Variants in MYRFL observed in about 807,000 individuals in gnomAD.
MYRFL encodes the protein myelin regulatory factor like.
Under a neutral mutation model 109.4 loss-of-function variants are expected in MYRFL, and 88 were observed. The ratio of observed to expected loss-of-function variants is 0.80; its 90% CI spans 0.68 to 0.96. The LOEUF is 0.96. Ranked by LOEUF, MYRFL falls within the 40% of genes least tolerant of loss-of-function variation. The probability of loss-of-function intolerance (pLI) is 0.00; values close to 1 mark genes in which losing one functional copy is unlikely to be tolerated. For synonymous variants in MYRFL, 324 were observed against 320.9 expected, an observed-to-expected ratio of 1.01 and a Z score of -0.10; for missense variants, 957 against 954.9, an observed-to-expected ratio of 1.00 and a Z score of -0.03.
At chr12:69,850,038 G>A (rs1883789854) in intron 1 of MYRFL, among the ~76,000 whole-genome samples, 1 of 152,108 alleles carries the variant, frequency 6.6e-6, no homozygotes, top group Non-Finnish European at 1.5e-5. Context: ...CATAGGGGGA[G>A]GTCTTTCCTG....
At chr12:69,876,108 C>T (rs1442262506) in intron 2 of MYRFL, among the ~76,000 whole-genome samples, 2 of 152,166 alleles carry the variant, frequency 1.3e-5, no homozygotes, top group Non-Finnish European at 2.9e-5. Context: ...GTCCCCTGCT[C>T]TTATCTTTCT....
intron 13 of MYRFL, among the ~76,000 whole-genome samples, chr12:69,918,827 T>C (rs935315145): frequency 4.6e-5 from 7 of 152,242 alleles, no homozygotes; most frequent in Non-Finnish European, 1.0e-4. Flanking sequence ...AACTTTTCAC[T>C]TGACTCTATT....
At chr12:69,869,016 TCACA>T (rs895613547) in intron 2 of MYRFL, among the ~76,000 whole-genome samples, 12 of 152,032 alleles carry the variant, frequency 7.9e-5, no homozygotes, top group Admixed American at 7.9e-4. Context: ...ACACATACAC[TCACA>T]CACAGAGTAG....
intron 11 of MYRFL, among the ~76,000 whole-genome samples, chr12:69,908,689 TATG>T (rs1367516118): frequency 6.6e-6 from 1 of 152,228 alleles, no homozygotes; most frequent in African/African-American, 2.4e-5. Flanking sequence ...TATAATCATA[TATG>T]ATTACGTATG....
In MYRFL at chr12:69,893,785, A is replaced by G; in HGVS notation, c.925A>G (p.Ile309Val). ...GTKVEATNQI[I>V]AIEQSQADRS... ...ACAGGTGGAAGCTACCAATCAAATA[A>G]TTGCTATTGAACAGTCCCAAGCAGA... The change falls in exon 8 of 25, where the codon ATT becomes GTT. Residue 309 changes from isoleucine to valine, a missense_variant. Coordinates refer to ENST00000552032, the MANE Select transcript of MYRFL (RefSeq NM_182530.3). 1 of 1,437,720 alleles carries G rather than the reference A, an allele frequency of 7.0e-7. No individual in the cohort carries two copies. 89.1% of individuals were successfully genotyped at this position (1,437,720 alleles called of 1,614,324 possible).
At chr12:69,826,878 A>C (rs1012849699) in intron 1 of MYRFL, among the ~76,000 whole-genome samples, 5 of 152,106 alleles carry the variant, frequency 3.3e-5, no homozygotes, top group African/African-American at 1.2e-4. Flanking sequence ...GCCTACTCTG[A>C]GTCAGGTTCA....
At chr12:69,955,712 C>G (rs1028627266) in intron 22 of MYRFL, among the ~76,000 whole-genome samples, 1 of 152,168 alleles carries the variant, frequency 6.6e-6, no homozygotes, top group African/African-American at 2.4e-5. Context: ...AAGCTATAGA[C>G]TTCCCCTGAC....
In MYRFL at chr12:69,958,270, C is replaced by A; in HGVS notation, c.2593C>A (p.Leu865Ile). Residue 865 changes from leucine (L) to isoleucine (I), a missense_variant, in exon 24 of 25, where the codon CTC (leucine) becomes ATC (isoleucine). Leu to Ile is a conservative substitution (Grantham distance 5). Coordinates refer to ENST00000552032, the MANE Select transcript of MYRFL (RefSeq NM_182530.3). ...TTAGGGATATCAGCACATTTGGAGC[C>A]TCCCTGTAGCCCCATTTTCTGACAG... ...MTQGYQHIWS[L>I]PVAPFSDSMF... is the part of the protein sequence containing the mutation. The A allele has an allele frequency of 3.9e-6, 6 of 1,536,464 alleles. No homozygotes were observed. Among genetic ancestry groups the A allele is most frequent in the Non-Finnish European group, 4.4e-6 (5 of 1,146,930 alleles).
intron 2 of MYRFL, among the ~76,000 whole-genome samples, chr12:69,863,939 T>C (rs1565979457): frequency 6.6e-6 from 1 of 152,086 alleles, no homozygotes; most frequent in Non-Finnish European, 1.5e-5. Context: ...GTCATTAGAG[T>C]TTTTTCCTCC....
intron 1 of MYRFL, among the ~76,000 whole-genome samples, chr12:69,842,643 G>A (rs879558565): frequency 2.0e-5 from 3 of 152,182 alleles, no homozygotes; most frequent in Non-Finnish European, 4.4e-5. Context: ...CTGCCTCCTG[G>A]CTGTGGTCAG....
At chr12:69,883,548 A>G (rs1886257341) in intron 5 of MYRFL, among the ~76,000 whole-genome samples, 1 of 152,126 alleles carries the variant, frequency 6.6e-6, no homozygotes, top group Admixed American at 6.5e-5. Flanking sequence ...AATGAATCCC[A>G]TAAACATACT....
intron 10 of MYRFL, among the ~76,000 whole-genome samples, chr12:69,899,414 A>AATGGGTTGGGCAGAGGGCAG (rs770004421): frequency 2.8e-3 from 434 of 152,318 alleles, no homozygotes; most frequent in Non-Finnish European, 5.1e-3. Flanking sequence ...GGTGCATACA[A>AATGGGTTGGGCAGAGGGCAG]ATGGGTTGGG....
intron 2 of MYRFL, among the ~76,000 whole-genome samples, chr12:69,874,472 C>T (rs1443164305): frequency 6.6e-6 from 1 of 152,100 alleles, no homozygotes; most frequent in Non-Finnish European, 1.5e-5. Flanking sequence ...GCCACTGTGC[C>T]CACCTTCAGA....
At chr12:69,954,644 C>G (rs1956055637) in intron 21 of MYRFL, among the ~76,000 whole-genome samples, 1 of 152,208 alleles carries the variant, frequency 6.6e-6, no homozygotes, top group South Asian at 2.1e-4. Flanking sequence ...ATAACTGACT[C>G]TTTTTCCCAT....
chr12:69,901,147 G>A (rs1414564893), intron 10 of MYRFL, among the ~76,000 whole-genome samples: 2 of 152,140 alleles, frequency 1.3e-5, no homozygotes, highest in East Asian at 3.8e-4. Context: ...TAGAATGCTC[G>A]GGTCTCTTCC....
At chr12:69,886,768 T>C in intron 5 of MYRFL, 52 bp from the exon 6 acceptor site, 1 of 1,529,592 alleles carries the variant, frequency 6.5e-7, no homozygotes, top group Non-Finnish European at 8.7e-7. Context: ...TAGCTGTGAG[T>C]TTAGGAAAAA....
intron 22 of MYRFL, among the ~76,000 whole-genome samples, chr12:69,957,431 G>T (rs1197061722): frequency 6.6e-6 from 1 of 152,068 alleles, no homozygotes; most frequent in Non-Finnish European, 1.5e-5. Context: ...ATAAGATTAG[G>T]TTTTAAAAAC....
chr12:69,876,841 A>AT (rs1213982012), intron 2 of MYRFL, among the ~76,000 whole-genome samples: 2 of 152,062 alleles, frequency 1.3e-5, no homozygotes, highest in African/African-American at 4.8e-5. Context: ...GAATTCTTCT[A>AT]TTTTTTCAGC....
rs540387433 is a variant in MYRFL, at chr12:69,858,174, T to G, written c.137+2804T>G. Among the ~76,000 whole-genome samples the G allele has an allele frequency of 2.6e-5, 4 of 152,044 alleles. No individual in the cohort carries two copies. In the South Asian group the frequency reaches 6.2e-4, roughly 24 times the overall value. ...ATTACTTTGCTTAGTTTTTGATTAT[T>G]GAACTGCCTTGTATTCCTGGAATAA... On this transcript the variant is annotated intron_variant, in intron 2 of 24. Coordinates refer to ENST00000552032, the MANE Select transcript of MYRFL (RefSeq NM_182530.3).
Sources: gnomAD v4.1 joint callset for allele counts (sites outside exome capture counted in the v4.1 genomes callset) on GRCh38, gnomAD v4.1.1 for gene constraint, MANE v1.5 for transcripts, NCBI Gene and HGNC (gene_info 2026-07-23, HGNC 2026-07-21) for gene names.